Variants in AFF3 observed in about 807,000 individuals in gnomAD.
AFF3 encodes AF4/FMR2 family member 3.
A neutral mutation model predicts 129.7 loss-of-function variants in AFF3; 32 were observed. The observed-to-expected ratio is 0.25, with a 90% CI of 0.19 to 0.33. The LOEUF is 0.33. Ranked by LOEUF, AFF3 falls within the 10% of genes least tolerant of loss-of-function variation. The pLI is 1.00. For missense variants in AFF3, 1,373 were observed against 1,592.0 expected (o/e 0.86, Z 2.34); for synonymous variants, 644 against 635.4 (o/e 1.01, Z -0.20).
At chr2:99,689,953 G>C (rs957832465) in intron 11 of AFF3, among the ~76,000 whole-genome samples, 1 of 150,444 alleles carries the variant, frequency 6.6e-6, no homozygotes, top group Admixed American at 6.6e-5. Context: ...TGGGCATGAT[G>C]GTATGTGCCT....
intron 7 of AFF3, among the ~76,000 whole-genome samples, chr2:99,973,166 C>T (rs1475116876): frequency 6.6e-6 from 1 of 152,322 alleles, no homozygotes; most frequent in Admixed American, 6.5e-5. Flanking sequence ...CCACTGAGTG[C>T]TCACTGTAGA....
intron 7 of AFF3, among the ~76,000 whole-genome samples, chr2:99,977,118 C>A (rs1289390147): frequency 1.3e-5 from 2 of 152,114 alleles, no homozygotes; most frequent in African/African-American, 4.8e-5. Context: ...AGGATAGATC[C>A]TTAAATGCCT....
chr2:99,584,848 G>A (rs1040998048), intron 16 of AFF3, among the ~76,000 whole-genome samples: 9 of 152,302 alleles, frequency 5.9e-5, no homozygotes, highest in African/African-American at 1.7e-4. Context: ...GGTTATCACC[G>A]CAAAGAAGCC....
intron 7 of AFF3, among the ~76,000 whole-genome samples, chr2:99,858,238 C>G (rs915730418): frequency 1.3e-5 from 2 of 152,076 alleles, no homozygotes; most frequent in African/African-American, 2.4e-5. Context: ...ACAACGGAAG[C>G]AAAGTGAATA....
At chr2:99,738,061 G>A (rs756339283) in intron 10 of AFF3, among the ~76,000 whole-genome samples, 1 of 152,040 alleles carries the variant, frequency 6.6e-6, no homozygotes, top group Non-Finnish European at 1.5e-5. Context: ...ATTAAAGCAA[G>A]GGCTCTAATT....
chr2:99,816,174 C>T (rs1687216721), intron 8 of AFF3, among the ~76,000 whole-genome samples: 1 of 151,762 alleles, frequency 6.6e-6, no homozygotes, highest in Non-Finnish European at 1.5e-5. Context: ...TCTCTGTTTT[C>T]CATTTTAAAA....
chr2:99,841,442 C>A (rs559776605), intron 7 of AFF3, among the ~76,000 whole-genome samples: 1 of 152,326 alleles, frequency 6.6e-6, no homozygotes, highest in Non-Finnish European at 1.5e-5. Flanking sequence ...AAGGAGGCGG[C>A]AGAGGTGAGG....
At chr2:100,080,718 C>T (rs1343189634) in intron 4 of AFF3, among the ~76,000 whole-genome samples, 1 of 152,146 alleles carries the variant, frequency 6.6e-6, no homozygotes, top group East Asian at 1.9e-4. Context: ...TGCCCCCACC[C>T]CCGGCCAGGA....
chr2:99,759,219 T>C (rs1682380465), intron 8 of AFF3, among the ~76,000 whole-genome samples: 2 of 151,606 alleles, frequency 1.3e-5, no homozygotes, highest in Admixed American at 6.6e-5. Flanking sequence ...GTTTTATGAA[T>C]ATGTACTTCA....
chr2:99,949,169 A>C (rs1486940911), intron 7 of AFF3, among the ~76,000 whole-genome samples: 1 of 152,194 alleles, frequency 6.6e-6, no homozygotes. Flanking sequence ...AAATAATATT[A>C]CCAACCCAAT....
At chr2:100,057,139 G>A (rs1349933425) in intron 4 of AFF3, among the ~76,000 whole-genome samples, 3 of 151,994 alleles carry the variant, frequency 2.0e-5, no homozygotes, top group Non-Finnish European at 2.9e-5. Flanking sequence ...TGGCCAACAC[G>A]GTGAAACTCT....
chr2:100,129,729 A>G (rs1193029485), intron 1 of AFF3, among the ~76,000 whole-genome samples: 2 of 152,168 alleles, frequency 1.3e-5, no homozygotes, highest in African/African-American at 4.8e-5. Flanking sequence ...ATGTTCCCGG[A>G]ACTCTAAATG....
At position 99,837,006 on chromosome 2, in the gene AFF3, A is replaced by G. The variant is rs566338331; in HGVS notation, c.921+471T>C. Among the ~76,000 whole-genome samples, 103 of 152,236 alleles carry G rather than the reference A, an allele frequency of 6.8e-4. 1 individual carries two copies. The highest frequency in any genetic ancestry group is 1.3e-3 in the Non-Finnish European group (89 of 68,048). On this transcript the variant is annotated intron_variant, in intron 8 of 24. Transcript: ENST00000672756. ...AAAGGACGGGCTCACAGAGGGTGAC[A>G]GGGAAAATAACATGTGAAACAATAG...
intron 13 of AFF3, among the ~76,000 whole-genome samples, chr2:99,629,154 G>A (rs1357237840): frequency 1.3e-5 from 2 of 152,096 alleles, no homozygotes; most frequent in Admixed American, 6.5e-5. Context: ...CACTGCACCC[G>A]GGCCCTTTAT....
rs117593156 is a variant in AFF3, at chr2:100,121,456, G to A, written c.-145+7768C>T. The stretch of plus-strand genomic sequence containing the variant: ...TAAAGCAGTGGCTTCTCACAGTGAA[G>A]ATATGGAAGTGAAATTCTCAATAAA... On this transcript the variant is annotated intron_variant, in intron 2 of 24. Transcript: ENST00000672756. 1.0e-3 allele frequency among the ~76,000 whole-genome samples: 153 copies of A among 152,338 alleles called. 3 individuals carry two copies. In the East Asian group the frequency reaches 0.023, roughly 23 times the overall value.
At chr2:99,917,665 A>G (rs989892414) in intron 7 of AFF3, among the ~76,000 whole-genome samples, 6 of 152,186 alleles carry the variant, frequency 3.9e-5, no homozygotes, top group African/African-American at 1.4e-4. Flanking sequence ...AGATTTTTCT[A>G]TATTAAAAAG....
chr2:99,996,661 T>G lies in AFF3; in HGVS notation c.873+9971A>C, dbSNP rs1017077895. ...TCCCAAAGTGCTGGGATTACGGGCGTGAGCCACCGCGCCCAGCCCTTCTTT... is the reference window on the plus strand; with the variant it reads ...TCCCAAAGTGCTGGGATTACGGGCGGGAGCCACCGCGCCCAGCCCTTCTTT... On this transcript the variant is annotated intron_variant, in intron 7 of 24. Coordinates refer to ENST00000672756, the MANE Select transcript of AFF3 (RefSeq NM_001386135.1). Among the ~76,000 whole-genome samples, 3 of 151,768 alleles carry G rather than the reference T, an allele frequency of 2.0e-5. No homozygotes were observed. The South Asian group carries it at 6.2e-4, about 32-fold the overall frequency.
intron 13 of AFF3, among the ~76,000 whole-genome samples, chr2:99,618,103 C>T (rs1185211430): frequency 6.6e-6 from 1 of 151,896 alleles, no homozygotes; most frequent in East Asian, 1.9e-4. Context: ...GCTATATGAC[C>T]TTTGGGAAGT....
intron 7 of AFF3, among the ~76,000 whole-genome samples, chr2:99,848,759 T>G (rs1689920779): frequency 6.6e-6 from 1 of 152,168 alleles, no homozygotes; most frequent in Non-Finnish European, 1.5e-5. Flanking sequence ...CTTAAAGGCT[T>G]ACAGAAAAAT....
Sources: gnomAD v4.1 joint callset for allele counts (sites outside exome capture counted in the v4.1 genomes callset) on GRCh38, gnomAD v4.1.1 for gene constraint, MANE v1.5 for transcripts, NCBI Gene and HGNC (gene_info 2026-07-23, HGNC 2026-07-21) for gene names.